Variants in VPS13C observed in about 807,000 individuals in gnomAD.
VPS13C encodes the protein intermembrane lipid transfer protein VPS13C.
Under a neutral mutation model 456.8 loss-of-function variants are expected in VPS13C, and 358 were observed. The ratio of observed to expected loss-of-function variants is 0.78; its 90% CI spans 0.72 to 0.86. The LOEUF (loss-of-function observed/expected upper bound fraction) is 0.86, where lower values mean the gene tolerates loss of function less well. Among genes scored for constraint, VPS13C ranks in the 40% least tolerant of loss-of-function variants. The pLI is 0.00. For missense variants in VPS13C, 4,818 were observed against 4,385.4 expected (o/e 1.10, Z -2.79); for synonymous variants, 1,578 against 1,486.7 (o/e 1.06, Z -1.41).
At chr15:61,896,354 T>C (rs557928765) in intron 66 of VPS13C, among the ~76,000 whole-genome samples, 15 of 152,238 alleles carry the variant, frequency 9.9e-5, no homozygotes, top group South Asian at 8.3e-4. Context: ...TTCATCTCAC[T>C]AGGGAGTGCC....
Position 61,856,227 on chromosome 15 carries a change from T to C in VPS13C, c.11076+59A>G. 3.1e-6 allele frequency: 5 copies of C among 1,596,458 alleles called. No individual in the cohort carries two copies. The African/African-American group carries it at 5.4e-5, about 17-fold the overall frequency. On this transcript the variant is annotated intron_variant, in intron 83 of 84. Coordinates refer to ENST00000644861, the MANE Select transcript of VPS13C (RefSeq NM_020821.3). ...CCTTCAAATATTTTGTGTAGTTAAC[T>C]GCAAAACAGTCTAAAAGCAATGAAC...
At chr15:61,917,730 G>A in intron 59 of VPS13C, 95 bp from the exon 60 acceptor site, 3 of 1,335,858 alleles carry the variant, frequency 2.2e-6, no homozygotes, top group Non-Finnish European at 3.0e-6. Flanking sequence ...CAAGATAGGT[G>A]CTATTATTCC....
intron 79 of VPS13C, among the ~76,000 whole-genome samples, chr15:61,870,245 C>T (rs1366296545): frequency 4.6e-5 from 7 of 152,156 alleles, no homozygotes; most frequent in African/African-American, 1.7e-4. Flanking sequence ...CCAGCCTCTC[C>T]CCACCAAATC....
chr15:62,022,126 T>G (rs1245200652), intron 8 of VPS13C, among the ~76,000 whole-genome samples: 4 of 151,936 alleles, frequency 2.6e-5, no homozygotes, highest in African/African-American at 9.7e-5. Flanking sequence ...ACATACTGAC[T>G]TCAATTCCTT....
At chr15:61,908,931 G>T in intron 65 of VPS13C, 61 bp downstream of exon 65, 4 of 1,563,954 alleles carry the variant, frequency 2.6e-6, no homozygotes, top group Non-Finnish European at 3.5e-6. Flanking sequence ...AAACCAAAGT[G>T]TTTCCCATTA....
chr15:61,876,822 C>A, intron 75 of VPS13C, 151 bp downstream of exon 75: 2 of 526,164 alleles, frequency 3.8e-6, no homozygotes, highest in Non-Finnish European at 6.2e-6. Flanking sequence ...ACTAAAGAAA[C>A]AGAAATTAAT....
chr15:61,949,399 T>C (rs751085494), intron 42 of VPS13C, 44 bp downstream of exon 42: 3 of 1,585,826 alleles, frequency 1.9e-6, no homozygotes, highest in South Asian at 1.2e-5. Flanking sequence ...TATATGATTA[T>C]TAAAGTTCAA....
At chr15:61,907,451 T>C (rs1455198139) in intron 65 of VPS13C, 61 bp from the exon 66 acceptor site, 13 of 1,576,076 alleles carry the variant, frequency 8.2e-6, no homozygotes, top group Admixed American at 5.5e-5. Context: ...CCCAAACCTG[T>C]AGTTTACTGA....
At chr15:62,006,043 C>A (rs1020399320) in intron 15 of VPS13C, among the ~76,000 whole-genome samples, 1 of 151,446 alleles carries the variant, frequency 6.6e-6, no homozygotes, top group African/African-American at 2.4e-5. Context: ...AAGACCTCTT[C>A]TTTCCCGAGA....
At chr15:61,895,941 T>G (rs1488198194) in intron 66 of VPS13C, among the ~76,000 whole-genome samples, 1 of 152,152 alleles carries the variant, frequency 6.6e-6, no homozygotes. Context: ...TAGTTTCATA[T>G]AGCTAGAAAA....
intron 5 of VPS13C, among the ~76,000 whole-genome samples, chr15:62,031,620 G>A (rs544325944): frequency 1.3e-5 from 2 of 151,920 alleles, no homozygotes; most frequent in African/African-American, 4.8e-5. Context: ...TTAAAACTGA[G>A]TGTTAAAAGA....
chr15:61,938,042 C>A (rs2044286486), intron 47 of VPS13C, among the ~76,000 whole-genome samples: 2 of 152,314 alleles, frequency 1.3e-5, no homozygotes, highest in South Asian at 4.1e-4. Flanking sequence ...TCCCTACCAC[C>A]AGAGAAATTG....
chr15:62,047,099 G>T (rs899430404), intron 1 of VPS13C, among the ~76,000 whole-genome samples: 7 of 151,698 alleles, frequency 4.6e-5, no homozygotes, highest in African/African-American at 1.7e-4. Context: ...TCTATATCTA[G>T]TATTACTTTA....
intron 15 of VPS13C, among the ~76,000 whole-genome samples, chr15:62,006,187 T>C (rs951763072): frequency 3.9e-4 from 59 of 151,982 alleles, no homozygotes; most frequent in African/African-American, 1.3e-3. Flanking sequence ...ATGTGCCATG[T>C]TGGTGTGCTG....
chr15:61,881,124 GA>G (rs1369770212), intron 71 of VPS13C, among the ~76,000 whole-genome samples, 170 bp from the exon 72 acceptor site: 1 of 151,980 alleles, frequency 6.6e-6, no homozygotes, highest in African/African-American at 2.4e-5. Context: ...TCACTGGAGT[GA>G]AAGCTTCACT....
intron 1 of VPS13C, 69 bp downstream of exon 1, chr15:62,060,206 T>C (rs1004152396): frequency 5.7e-6 from 5 of 873,314 alleles, no homozygotes; most frequent in Non-Finnish European, 9.0e-6. Context: ...CCGGGCAGAA[T>C]CCCGGACGGA....
At chr15:61,992,320 T>G (rs2046248174) in intron 16 of VPS13C, among the ~76,000 whole-genome samples, 1 of 152,196 alleles carries the variant, frequency 6.6e-6, no homozygotes, top group African/African-American at 2.4e-5. Flanking sequence ...TGACTTGATT[T>G]TCTATCACTC....
At chr15:61,916,641 C>T (rs910244674) in intron 60 of VPS13C, among the ~76,000 whole-genome samples, 1 of 151,938 alleles carries the variant, frequency 6.6e-6, no homozygotes, top group Non-Finnish European at 1.5e-5. Flanking sequence ...AGGAATGGCT[C>T]ATTGTCAGAT....
chr15:61,942,765 G>A (rs1056439237), intron 45 of VPS13C, among the ~76,000 whole-genome samples: 2 of 151,718 alleles, frequency 1.3e-5, no homozygotes, highest in African/African-American at 2.4e-5. Context: ...TAACCTCCCC[G>A]GCACCCACCT....
Sources: gnomAD v4.1 joint callset for allele counts (sites outside exome capture counted in the v4.1 genomes callset) on GRCh38, gnomAD v4.1.1 for gene constraint, MANE v1.5 for transcripts, NCBI Gene and HGNC (gene_info 2026-07-23, HGNC 2026-07-21) for gene names.